The following TTN variants were observed in gnomAD, a reference collection of about 807,000 sequenced individuals.
TTN encodes connectin.
A neutral mutation model predicts 3,223.0 loss-of-function variants in TTN; 1,525 were observed. The ratio of observed to expected loss-of-function variants is 0.47; its 90% CI spans 0.45 to 0.49. The LOEUF is 0.49. Among genes scored for constraint, TTN ranks in the 20% least tolerant of loss-of-function variants. TTN has a pLI of 0.00. For missense variants in TTN, 40,786 were observed against 43,424.0 expected (o/e 0.94, Z 5.40); for synonymous variants, 14,094 against 15,161.0 (o/e 0.93, Z 5.17).
rs778421383 is a variant in TTN, at chr2:178,621,513, A to G, written c.45311T>C (p.Leu15104Pro). 1.9e-6 allele frequency: 3 copies of G among 1,612,250 alleles called. No homozygotes were observed. The highest frequency in any genetic ancestry group is 2.5e-6 in the Non-Finnish European group (3 of 1,179,060). The change falls in exon 245 of 363, where the codon CTC becomes CCC. Residue 15104 changes from leucine to proline, a missense_variant. Leu to Pro is a moderately conservative substitution (Grantham distance 98). Coordinates refer to ENST00000589042, the MANE Select transcript of TTN (RefSeq NM_001267550.2). ...TTTGCCATCGGTTCGAGAGCTTGGGAGTCGACAGTTGTAGTTGCCAGCATC... is the reference window on the plus strand; with the variant it reads ...TTTGCCATCGGTTCGAGAGCTTGGGGGTCGACAGTTGTAGTTGCCAGCATC... ...LEDAGNYNCR[L>P]PSSRTDGKVK... is the part of the protein sequence containing the mutation.
At chr2:178,792,437 A>C (rs2093558056) in intron 9 of TTN, among the ~76,000 whole-genome samples, 1 of 152,246 alleles carries the variant, frequency 6.6e-6, no homozygotes, top group South Asian at 2.1e-4. Flanking sequence ...TGTTTTGAAC[A>C]GCAGAATTGT....
rs755055056 is a variant in TTN, at chr2:178,769,769, G to C, written c.8812C>G (p.Leu2938Val). ...TCTGTGCTGGTGTTCATGATGATCA[G>C]CTGATGGAGTTTTCCCTGCACAACT... is the stretch of plus-strand genomic sequence containing the variant. ...KIVVQGKLHQLIIMNTSTEDS... is the reference protein window; with the variant it reads ...KIVVQGKLHQVIIMNTSTEDS... The change falls in exon 37 of 363, where the codon CTG (leucine) becomes GTG (valine). Residue 2938 changes from leucine to valine, a missense_variant. Leu to Val is a conservative substitution (Grantham distance 32). Transcript: ENST00000589042. The C allele has an allele frequency of 8.7e-6, 14 of 1,613,874 alleles. No homozygotes were observed.
Position 178,764,798 on chromosome 2 carries a change from G to GGGC in TTN, c.9714_9716dup (p.Pro3239dup). ...CAGGCTGGAGCTCCTGCAGAACTTG[G>GGGC]GGCGGTTCAGGAGCTAGGAGTAAAT... On this transcript the variant is annotated inframe_insertion, in exon 42 of 363. Transcript: ENST00000589042. 1 of 1,613,138 alleles carries GGGC rather than the reference G, an allele frequency of 6.2e-7. No homozygotes were observed. Among genetic ancestry groups the GGGC allele is most frequent in the Admixed American group, 1.7e-5 (1 of 59,984 alleles).
At chr2:178,677,314 TA>T in intron 146 of TTN, 27 bp from the exon 147 acceptor site, 1 of 999,708 alleles carries the variant, frequency 1.0e-6, no homozygotes, top group Non-Finnish European at 1.2e-6. Context: ...TTGAAGGCAT[TA>T]AAAACCACAT....
Position 178,733,845 on chromosome 2 carries a change from C to G in TTN, c.15544G>C (p.Gly5182Arg). Residue 5182 changes from glycine (G) to arginine (R), a missense_variant, in exon 53 of 363, where the codon GGA (glycine) becomes CGA (arginine). Physicochemically the swap from Gly to Arg is moderately radical, Grantham distance 125 (BLOSUM62 -2). Coordinates refer to ENST00000589042, the MANE Select transcript of TTN (RefSeq NM_001267550.2). ...GCAGCTTGCAGGGTAACGGTTTGTC[C>G]TCCTAGTGCAATCAAATCATCTACT... ...KKVDDLIALG[G>R]QTVTLQAAVR... 1 of 1,608,216 alleles carries G rather than the reference C, an allele frequency of 6.2e-7. No homozygotes were observed. The highest frequency in any genetic ancestry group is 8.5e-7 in the Non-Finnish European group (1 of 1,175,642).
chr2:178,741,445 C>T lies in TTN; in HGVS notation c.11788G>A (p.Glu3930Lys), dbSNP rs186624523. ...ETESAVAKSL[E>K]KLGGPCPPHF... Reference sequence around the variant, plus strand: ...GGAGGACAAGGACCTCCCAGCTTTTCCAGAGATTTTGCCACTGCTGATTCT... The same window carrying T: ...GGAGGACAAGGACCTCCCAGCTTTTTCAGAGATTTTGCCACTGCTGATTCT... Residue 3930 changes from glutamate (E) to lysine (K), a missense_variant, in exon 48 of 363, where the codon GAA (glutamate) becomes AAA (lysine). Transcript: ENST00000589042. The T allele has an allele frequency of 5.4e-4, 866 of 1,613,878 alleles. No individual in the cohort carries two copies. Among genetic ancestry groups the T allele is most frequent in the Non-Finnish European group, 6.6e-4 (784 of 1,179,820 alleles).
Position 178,624,508 on chromosome 2 carries a change from A to G in TTN, c.44772T>C (p.Cys14924=). Residue 14924 remains cysteine (C), a synonymous_variant, in exon 242 of 363, where the codon TGT becomes TGC. Transcript: ENST00000589042. ...AGGAAGTCTTAAAATCCTTAGCATCACAAGTGTATGTTTTAATATCCTCTG... is the reference window on the plus strand; with the variant it reads ...AGGAAGTCTTAAAATCCTTAGCATCGCAAGTGTATGTTTTAATATCCTCTG... ...CTPEDIKTYT[C]DAKDFKTSCN... 1 of 1,612,726 alleles carries G rather than the reference A, an allele frequency of 6.2e-7. No homozygotes were observed. Among genetic ancestry groups the G allele is most frequent in the Non-Finnish European group, 8.5e-7 (1 of 1,179,124 alleles).
rs774842728 is a variant in TTN, at chr2:178,672,676, A to G, written c.34814T>C (p.Val11605Ala). 19 of 1,608,772 alleles carry G rather than the reference A, an allele frequency of 1.2e-5. No homozygotes were observed. Among genetic ancestry groups the G allele is most frequent in the Non-Finnish European group, 1.5e-5 (18 of 1,177,148 alleles). ...KVSKKIPEEKVPVPVQKKEAP... is the reference protein window; with the variant it reads ...KVSKKIPEEKAPVPVQKKEAP... ...CTCTTTTTTCTGAACAGGAACAGGT[A>G]CTTTTTCCTCAGGAATTTTCTTTGA... The change falls in exon 153 of 363, where the codon GTA becomes GCA. Residue 11605 changes from valine to alanine, a missense_variant. Transcript: ENST00000589042.
At position 178,722,086 on chromosome 2, in the gene TTN, A is replaced by T; in HGVS notation, c.22577T>A (p.Val7526Asp). The change falls in exon 78 of 363, where the codon GTT becomes GAT. Residue 7526 changes from valine (V) to aspartate (D), a missense_variant. By Grantham distance (152) the Val-to-Asp change is radical. Transcript: ENST00000589042. ...FFDIKPVSID[V>D]IAGESADFEC... Reference sequence around the variant, plus strand: ...AAAATCAGCACTTTCTCCAGCAATAACATCTATAGATACAGGCTTGATGTC... The same window carrying T: ...AAAATCAGCACTTTCTCCAGCAATATCATCTATAGATACAGGCTTGATGTC... 1 of 1,607,060 alleles carries T rather than the reference A, an allele frequency of 6.2e-7. No individual in the cohort carries two copies. Among genetic ancestry groups the T allele is most frequent in the Admixed American group, 1.7e-5 (1 of 59,646 alleles).
chr2:178,581,394 C>G (rs1339074817), intron 316 of TTN, 105 bp downstream of exon 316: 6 of 982,670 alleles, frequency 6.1e-6, no homozygotes, highest in Non-Finnish European at 8.6e-6. Flanking sequence ...GAGTTACCAG[C>G]TCTACACCTT....
chr2:178,647,310 T>TTCA, intron 214 of TTN, 71 bp downstream of exon 214: 2 of 1,491,734 alleles, frequency 1.3e-6, no homozygotes. Flanking sequence ...ATACGTAAGA[T>TTCA]TCATCTACAA....
chr2:178,784,018 G>T, intron 16 of TTN, 52 bp downstream of exon 16: 1 of 1,610,486 alleles, frequency 6.2e-7, no homozygotes, highest in Non-Finnish European at 8.5e-7. Flanking sequence ...CCAACCACCT[G>T]GCCCTGCTCA....
Position 178,634,016 on chromosome 2 carries a change from A to G in TTN, c.42483T>C (p.Phe14161=), listed in dbSNP as rs1229612568. The change falls in exon 231 of 363, where the codon TTT becomes TTC. Residue 14161 remains phenylalanine, a synonymous_variant. Coordinates refer to ENST00000589042, the MANE Select transcript of TTN (RefSeq NM_001267550.2). This position sits in a 1 kb window ranked among gnomAD's most constrained non-coding sequence, Gnocchi z 4.6. ...TTTTTTCATGAGAAAGTTCACAAAC[A>G]AAAGTTGCTGTTTCACCTTCTTTTA... ...QTVKEGETAT[F]VCELSHEKMH... The G allele has an allele frequency of 1.2e-6, 2 of 1,613,360 alleles. No individual in the cohort carries two copies. The highest frequency in any genetic ancestry group is 8.5e-7 in the Non-Finnish European group (1 of 1,179,516).
chr2:178,533,995 TAGGTAC>T lies in TTN; in HGVS notation c.102614_102619del (p.Gly34205_Tyr34207delinsAsp). ...ATAGTCATTGACTACTTTGCATCTGTAGGTACCATCATCTAATTTGGTAATGTCTTT... is the reference window on the plus strand; with the variant it reads ...ATAGTCATTGACTACTTTGCATCTGTCATCATCTAATTTGGTAATGTCTTT... On this transcript the variant is annotated inframe_deletion, in exon 358 of 363. Coordinates refer to ENST00000589042, the MANE Select transcript of TTN (RefSeq NM_001267550.2). The T allele has an allele frequency of 6.2e-7, 1 of 1,613,994 alleles. No homozygotes were observed. Among genetic ancestry groups the T allele is most frequent in the Non-Finnish European group, 8.5e-7 (1 of 1,179,866 alleles).
chr2:178,741,025 C>A lies in TTN; in HGVS notation c.12208G>T (p.Glu4070Ter), dbSNP rs397517830. ...GTGTCTTTTACAAACGTTGCAATTT[C>A]CTGCTCTGAGTCAAGTGCTTCAACT... is the stretch of plus-strand genomic sequence containing the variant. ...PAVEALDSEQ[E>*]IATFVKDTIL... is the part of the protein sequence containing the mutation. Residue 4070 changes from glutamate to a stop codon, truncating the protein, a stop_gained, in exon 48 of 363, where the codon GAA becomes TAA. Transcript: ENST00000589042. LOFTEE classifies it high-confidence loss of function. 1.9e-6 allele frequency: 3 copies of A among 1,613,896 alleles called. No homozygotes were observed. The highest frequency in any genetic ancestry group is 2.5e-6 in the Non-Finnish European group (3 of 1,179,818).
At chr2:178,631,588 A>C (rs1275401138) in intron 236 of TTN, among the ~76,000 whole-genome samples, 1 of 152,048 alleles carries the variant, frequency 6.6e-6, no homozygotes, top group Non-Finnish European at 1.5e-5. Flanking sequence ...GTGTTCCTCC[A>C]TTATTTGGGT....
chr2:178,679,547 A>G (rs2068843440), intron 141 of TTN, 52 bp downstream of exon 141: 2 of 1,588,492 alleles, frequency 1.3e-6, no homozygotes, highest in African/African-American at 2.7e-5. Flanking sequence ...AAAGTTAACT[A>G]TTTCTAGGCA....
rs180694107 is a variant in TTN, at chr2:178,789,414, T to G, written c.2022A>C (p.Arg674Ser). 8.7e-6 allele frequency: 14 copies of G among 1,613,584 alleles called. No homozygotes were observed. In the Admixed American group the frequency reaches 2.3e-4, roughly 27 times the overall value. ...GTCTAGTAGCCATAGTTTCTCTAGT[T>G]CTCAGTATTGTTTCTTGTTCTTTGG... The part of the protein sequence containing the change: ...AKAKEQETIL[R>S]TRETMATRQE... Residue 674 changes from arginine to serine, a missense_variant, in exon 13 of 363, where the codon AGA becomes AGC. Arg to Ser is a moderately radical substitution (Grantham distance 110). Transcript: ENST00000589042.
At chr2:178,685,684 T>A (rs2070672317) in intron 127 of TTN, 86 bp from the exon 128 acceptor site, 3 of 1,343,950 alleles carry the variant, frequency 2.2e-6, no homozygotes, top group Middle Eastern at 1.8e-4. Flanking sequence ...CAAAGAGTAA[T>A]CAAAATAGCA....
Sources: allele counts gnomAD v4.1 joint callset (sites outside exome capture counted in the v4.1 genomes callset), GRCh38; gene constraint gnomAD v4.1.1; non-coding constraint Gnocchi (gnomAD v3.1); transcripts MANE v1.5; gene names NCBI Gene and HGNC (gene_info 2026-07-23, HGNC 2026-07-21).